Variants in MYO7B observed in about 807,000 individuals in gnomAD.
The protein encoded by MYO7B is unconventional myosin-VIIb.
A neutral mutation model predicts 259.7 loss-of-function variants in MYO7B; 212 were observed. The observed-to-expected ratio is 0.82, with a 90% CI of 0.73 to 0.91. The LOEUF is 0.91. Ranked by LOEUF, MYO7B falls within the 40% of genes least tolerant of loss-of-function variation. The pLI, the probability that MYO7B is intolerant of heterozygous loss-of-function variation, is 0.00. For synonymous variants in MYO7B, 1,197 were observed against 1,166.4 expected (o/e 1.03, Z -0.54); for missense variants, 2,732 against 2,813.5 (o/e 0.97, Z 0.66).
chr2:127,632,197 C>G (rs201963453), intron 38 of MYO7B, 49 bp from the exon 39 acceptor site: 775 of 1,576,612 alleles, frequency 4.9e-4, no homozygotes, highest in Admixed American at 6.9e-4. Flanking sequence ...GCCTGCCTGG[C>G]CAGGGCCCCC....
At chr2:127,599,271 A>G (rs568221691) in intron 19 of MYO7B, among the ~76,000 whole-genome samples, 2 of 152,254 alleles carry the variant, frequency 1.3e-5, no homozygotes, top group East Asian at 3.9e-4. Context: ...AACCCTGTAC[A>G]TGTTTTATTA....
rs148715226 is a variant in MYO7B at position 127,612,536 on chromosome 2, C to T, written c.3331C>T (p.Arg1111Trp). ...ALEPDGLGADRPMSNLEKVHF... is the reference protein window; with the variant it reads ...ALEPDGLGADWPMSNLEKVHF... ...GGAGCCTGATGGCCTTGGTGCAGAC[C>T]GGCCCATGTCCAACCTGGAGAAGGT... Residue 1111 changes from arginine to tryptophan, a missense_variant, in exon 26 of 48, where the codon CGG (arginine) becomes TGG (tryptophan). Transcript: ENST00000409816. The T allele has an allele frequency of 4.7e-4, 746 of 1,588,112 alleles. 8 individuals carry two copies. The East Asian group carries it at 0.014, about 30-fold the overall frequency.
intron 15 of MYO7B, 27 bp downstream of exon 15, chr2:127,588,582 C>T (rs1489057347): frequency 1.2e-6 from 2 of 1,611,566 alleles, no homozygotes; most frequent in African/African-American, 1.3e-5. Context: ...CCTCCTGGGT[C>T]TGTCACCCCT....
rs569018131 is a variant in MYO7B, at chr2:127,636,058, A to G, written c.6007-150A>G. ...GGCTCTGCACACACCACGCCTTCCT[A>G]TGCCATCCACAGCACCGAGACTGTC... On this transcript the variant is annotated intron_variant, in intron 44 of 47. Coordinates refer to ENST00000409816, the MANE Select transcript of MYO7B (RefSeq NM_001393586.1). The surrounding 1 kb of genome is among the most constrained non-coding windows in gnomAD (Gnocchi z 4.5). 54 of 1,075,628 alleles carry G rather than the reference A, an allele frequency of 5.0e-5. 1 individual carries two copies. The South Asian group carries it at 8.0e-4, about 16-fold the overall frequency. 66.6% of individuals were successfully genotyped at this position (1,075,628 alleles called of 1,614,324 possible).
intron 21 of MYO7B, among the ~76,000 whole-genome samples, chr2:127,608,044 G>C (rs1191927654): frequency 9.2e-5 from 14 of 152,154 alleles, no homozygotes; most frequent in Non-Finnish European, 1.5e-5. Context: ...ACTGAGCAGG[G>C]GGACAGCACC....
chr2:127,615,660 G>T lies in MYO7B; in HGVS notation c.3398+3057G>T, dbSNP rs1047052685. On this transcript the variant is annotated intron_variant, in intron 26 of 47. Coordinates refer to ENST00000409816, the MANE Select transcript of MYO7B (RefSeq NM_001393586.1). The surrounding 1 kb of genome is among the most constrained non-coding windows in gnomAD (Gnocchi z 4.4). ...TCAGCATTCCTTCTGGGCGGTAGACGCGGTTTGTCAGTTGGCCAACATTCT... is the reference window on the plus strand; with the variant it reads ...TCAGCATTCCTTCTGGGCGGTAGACTCGGTTTGTCAGTTGGCCAACATTCT... Among the ~76,000 whole-genome samples, 1 of 152,008 alleles carries T rather than the reference G, an allele frequency of 6.6e-6. No homozygotes were observed. The highest frequency in any genetic ancestry group is 1.5e-5 in the Non-Finnish European group (1 of 68,004).
intron 2 of MYO7B, among the ~76,000 whole-genome samples, chr2:127,560,454 G>A (rs1452609416): frequency 6.6e-6 from 1 of 152,158 alleles, no homozygotes; most frequent in Non-Finnish European, 1.5e-5. Context: ...TCTGCATCGT[G>A]TTCCCTTCAC....
At chr2:127,572,962 A>G (rs2104903201) in intron 6 of MYO7B, among the ~76,000 whole-genome samples, 1 of 151,512 alleles carries the variant, frequency 6.6e-6, no homozygotes, top group Admixed American at 6.6e-5. Flanking sequence ...CCTGCATCAG[A>G]TTCTTTCTTA....
At chr2:127,578,602 G>C (rs1316925193) in intron 9 of MYO7B, among the ~76,000 whole-genome samples, 1 of 152,214 alleles carries the variant, frequency 6.6e-6, no homozygotes, top group Admixed American at 6.5e-5. Flanking sequence ...AAACCAGGTT[G>C]TGAGCAAGGG....
At chr2:127,621,506 C>T (rs1028730560) in intron 27 of MYO7B, among the ~76,000 whole-genome samples, 3 of 152,174 alleles carry the variant, frequency 2.0e-5, no homozygotes, top group African/African-American at 2.4e-5. Context: ...GGTGATCCTC[C>T]GACCTTGGCC....
Position 127,627,282 on chromosome 2 carries a change from C to T in MYO7B, c.4432C>T (p.Pro1478Ser). 3 of 1,613,078 alleles carry T rather than the reference C, an allele frequency of 1.9e-6. No individual in the cohort carries two copies. Among genetic ancestry groups the T allele is most frequent in the Non-Finnish European group, 2.5e-6 (3 of 1,179,752 alleles). Residue 1478 changes from proline to serine, a missense_variant, in exon 33 of 48, where the codon CCA (proline) becomes TCA (serine). Pro to Ser is a moderately conservative substitution (Grantham distance 74). Transcript: ENST00000409816. This position sits in a 1 kb window ranked among gnomAD's most constrained non-coding sequence, Gnocchi z 5.6. ...GAAGATGCTGCTGGAACTCTCTTTC[C>T]CAGAGGTCATGGGTCTGGCCACCAA... ...QEKMLLELSF[P>S]EVMGLATNRE...
rs779807900 is a variant in MYO7B at position 127,608,760 on chromosome 2, C to T, written c.2696C>T (p.Ala899Val). 6.2e-7 allele frequency: 1 copy of T among 1,613,496 alleles called. No homozygotes were observed. The highest frequency in any genetic ancestry group is 1.1e-5 in the South Asian group (1 of 91,072). Residue 899 changes from alanine to valine, a missense_variant, in exon 22 of 48, where the codon GCC (alanine) becomes GTC (valine). Around this residue, in one of 3 missense-constraint regions of MYO7B, gnomAD observed 1,906 missense variants for 2,026.4 expected, o/e 0.94. Transcript: ENST00000409816. ...EGQKSQGALPAKKRRSIYDTV... is the reference protein window; with the variant it reads ...EGQKSQGALPVKKRRSIYDTV... ...CAGAAAAGCCAAGGCGCTCTCCCTG[C>T]CAAGAAGCGCAGATCCATCTACGAC...
chr2:127,572,294 C>T (rs1294820947), intron 6 of MYO7B, among the ~76,000 whole-genome samples: 1 of 151,910 alleles, frequency 6.6e-6, no homozygotes, highest in Non-Finnish European at 1.5e-5. Context: ...TGGCATGCGC[C>T]TATAATCCCA....
intron 6 of MYO7B, among the ~76,000 whole-genome samples, chr2:127,571,726 C>T (rs539084440): frequency 9.4e-4 from 143 of 152,082 alleles, no homozygotes; most frequent in African/African-American, 3.3e-3. Context: ...GTGATCCACC[C>T]GCCTCGGCCT....
rs56335841 is a variant in MYO7B, at chr2:127,628,675, G to A, written c.4624+140G>A. ...GGAGGGAAGGCCCCAAAGCTCTGTG[G>A]GGGCAGCTTTAGGCAAGGCCCTGCC... On this transcript the variant is annotated intron_variant, in intron 34 of 47. Transcript: ENST00000409816. This position sits in a 1 kb window ranked among gnomAD's most constrained non-coding sequence, Gnocchi z 4.8. 0.17 allele frequency: 153,797 copies of A among 928,862 alleles called. 15,995 individuals are homozygous for A. Among genetic ancestry groups the A allele is most frequent in the African/African-American group, 0.42 (25,475 of 60,362 alleles). 57.5% of individuals were successfully genotyped at this position (928,862 alleles called of 1,614,324 possible).
At chr2:127,621,046 A>C (rs1680814872) in intron 27 of MYO7B, among the ~76,000 whole-genome samples, 1 of 152,144 alleles carries the variant, frequency 6.6e-6, no homozygotes, top group African/African-American at 2.4e-5. Flanking sequence ...CAAACAGAAA[A>C]CACTTTCTCA....
chr2:127,565,448 G>A (rs1329661654), intron 4 of MYO7B, 63 bp downstream of exon 4: 2 of 1,588,246 alleles, frequency 1.3e-6, no homozygotes, highest in Non-Finnish European at 1.7e-6. Flanking sequence ...TCCTGGACAG[G>A]GAGAAGAAAA....
In MYO7B at chr2:127,613,552, C is replaced by T. The variant is rs1449336116; in HGVS notation, c.3398+949C>T. Reference sequence around the variant, plus strand: ...CAAATCCAATACCTGGGTCATCTCACGGTCAGTCTCTATTAACTGTCTTTT... The same window carrying T: ...CAAATCCAATACCTGGGTCATCTCATGGTCAGTCTCTATTAACTGTCTTTT... On this transcript the variant is annotated intron_variant, in intron 26 of 47. Coordinates refer to ENST00000409816, the MANE Select transcript of MYO7B (RefSeq NM_001393586.1). This position sits in a 1 kb window ranked among gnomAD's most constrained non-coding sequence, Gnocchi z 4.3. 1.3e-5 allele frequency among the ~76,000 whole-genome samples: 2 copies of T among 152,186 alleles called. No homozygotes were observed. Among genetic ancestry groups the T allele is most frequent in the African/African-American group, 2.4e-5 (1 of 41,432 alleles).
rs1282258243 is a variant in MYO7B at position 127,631,282 on chromosome 2, T to C, written c.5014T>C (p.Cys1672Arg). The C allele has an allele frequency of 3.7e-6, 6 of 1,612,046 alleles. No individual in the cohort carries two copies. The highest frequency in any genetic ancestry group is 1.6e-4 in the Middle Eastern group (1 of 6,062). ...RARGHLWAYS[C>R]EPLRQPLLKR... ...CCGTGGCCACCTGTGGGCCTATTCC[T>C]GCGAGCCGCTGCGACAGCCGCTGCT... Residue 1672 changes from cysteine to arginine, a missense_variant, in exon 37 of 48, where the codon TGC (cysteine) becomes CGC (arginine). Around this residue, in one of 3 missense-constraint regions of MYO7B, gnomAD observed 821 missense variants for 769.3 expected, o/e 1.07. Coordinates refer to ENST00000409816, the MANE Select transcript of MYO7B (RefSeq NM_001393586.1).
Sources: gnomAD v4.1 joint callset for allele counts (sites outside exome capture counted in the v4.1 genomes callset) on GRCh38, gnomAD v4.1.1 for gene constraint, gnomAD v4.1.1 regional missense constraint, Gnocchi (gnomAD v3.1) non-coding constraint, MANE v1.5 for transcripts, NCBI Gene and HGNC (gene_info 2026-07-23, HGNC 2026-07-21) for gene names.